TSPEAR: variants seen among roughly 807,000 people sequenced by gnomAD.
The protein encoded by TSPEAR is thrombospondin type laminin G domain and EAR repeats, also known as thrombospondin-type laminin G domain and EAR repeat-containing protein.
In TSPEAR, 69 loss-of-function variants were observed where a neutral mutation model predicts 71.6. The observed-to-expected ratio is 0.96, with a 90% CI of 0.79 to 1.18. The LOEUF (loss-of-function observed/expected upper bound fraction) is 1.18. Among genes scored for constraint, TSPEAR ranks in the 50% most tolerant of loss-of-function variants. TSPEAR has a pLI of 0.00. For missense variants in TSPEAR, 971 were observed against 894.9 expected, an observed-to-expected ratio of 1.09 and a Z score of -1.09; for synonymous variants, 402 against 387.2, an observed-to-expected ratio of 1.04 and a Z score of -0.45.
intron 1 of TSPEAR, among the ~76,000 whole-genome samples, chr21:44,680,073 C>G (rs8132905): frequency 0.21 from 32,446 of 152,068 alleles, 3,498 homozygotes; most frequent in Middle Eastern, 0.27. Context: ...GCACAGCAAA[C>G]GGAACAATCA....
intron 1 of TSPEAR, among the ~76,000 whole-genome samples, chr21:44,624,694 A>G (rs1324219365): frequency 6.6e-6 from 1 of 152,048 alleles, no homozygotes; most frequent in Non-Finnish European, 1.5e-5. Context: ...TTGTTGTTTT[A>G]CCAGAATCCC....
chr21:44,686,891 C>T lies in TSPEAR; in HGVS notation c.82+24542G>A, dbSNP rs116790238. Among the ~76,000 whole-genome samples, 1,205 of 152,298 alleles carry T rather than the reference C, an allele frequency of 7.9e-3. 21 individuals are homozygous for T. The highest frequency in any genetic ancestry group is 0.027 in the African/African-American group (1,134 of 41,546). ...CTGTTTCTCGTTGTCCTTTGCCTTC[C>T]TGACCAAGACAATGTCAGCATGGGG... On this transcript the variant is annotated intron_variant, in intron 1 of 11. Coordinates refer to ENST00000323084, the MANE Select transcript of TSPEAR (RefSeq NM_144991.3).
At position 44,531,048 on chromosome 21, in the gene TSPEAR, A is replaced by G. The variant is rs1046576403; in HGVS notation, c.628T>C (p.Phe210Leu). The stretch of plus-strand genomic sequence containing the variant: ...GGCAGCCCCTCCATACTCGCCATGA[A>G]CAGGCCTTTGGCTCTCCTCCGGCTG... ...VGSRRRAKGLFMGLVRQLVLL... is the reference protein window; with the variant it reads ...VGSRRRAKGLLMGLVRQLVLL... The change falls in exon 4 of 12, where the codon TTC (phenylalanine) becomes CTC (leucine). Residue 210 changes from phenylalanine (F) to leucine (L), a missense_variant. Phe to Leu is a conservative substitution (Grantham distance 22). Transcript: ENST00000323084. The G allele has an allele frequency of 6.2e-7, 1 of 1,613,454 alleles. No individual in the cohort carries two copies. Among genetic ancestry groups the G allele is most frequent in the Non-Finnish European group, 8.5e-7 (1 of 1,179,886 alleles).
chr21:44,672,387 G>A (rs587659011), intron 1 of TSPEAR, among the ~76,000 whole-genome samples: 7 of 152,096 alleles, frequency 4.6e-5, no homozygotes, highest in East Asian at 1.9e-4. Context: ...TGGCTAACAC[G>A]GTGAAACCCC....
intron 1 of TSPEAR, chr21:44,658,004 G>C (rs1555942886): frequency 6.2e-7 from 1 of 1,613,580 alleles, no homozygotes; most frequent in African/African-American, 1.3e-5. Context: ...CTGCTCCCCA[G>C]CCTGCCAGCC....
chr21:44,666,542 A>T, intron 1 of TSPEAR: 1 of 1,613,094 alleles, frequency 6.2e-7, no homozygotes, highest in Non-Finnish European at 8.5e-7. Context: ...ACGGAGCCGC[A>T]TACACGACAG....
At position 44,627,914 on chromosome 21, in the gene TSPEAR, C is replaced by A. The variant is rs1468590919; in HGVS notation, c.83-59909G>T. 4.6e-6 allele frequency: 7 copies of A among 1,519,482 alleles called. No homozygotes were observed. The Admixed American group carries it at 1.2e-4, about 25-fold the overall frequency. The allele number at this position is 1,519,482 out of a possible 1,614,324, so 94.1% of individuals were successfully genotyped here. On this transcript the variant is annotated intron_variant, in intron 1 of 11. Coordinates refer to ENST00000323084, the MANE Select transcript of TSPEAR (RefSeq NM_144991.3). ...AGGCCCGCCTGCTGCGTGCCCGTCT[C>A]CTCCTGCTGTGCCCCCACCTCCTCC...
At chr21:44,511,958 CGGGCTGCTGCAGATGGGGGACCATGGAG>C (rs1222051969) in intron 9 of TSPEAR, among the ~76,000 whole-genome samples, 5 of 152,106 alleles carry the variant, frequency 3.3e-5, no homozygotes, top group African/African-American at 1.2e-4. Flanking sequence ...AGCCCTGGAA[CGGGCTGCTGCAGATGGGGGACCATGGAG>C]GGGCTGCCCG....
chr21:44,547,229 T>A (rs934903377), intron 2 of TSPEAR, among the ~76,000 whole-genome samples: 1 of 152,272 alleles, frequency 6.6e-6, no homozygotes, highest in South Asian at 2.1e-4. Flanking sequence ...CTGTTTGGTT[T>A]CTTTTTAAAG....
chr21:44,635,281 G>C (rs1201273638), intron 1 of TSPEAR, among the ~76,000 whole-genome samples: 1 of 150,248 alleles, frequency 6.7e-6, no homozygotes, highest in Non-Finnish European at 1.5e-5. Flanking sequence ...GGGAGGTGGA[G>C]GTTGCAGTGA....
At chr21:44,516,685 G>A (rs587657661) in intron 9 of TSPEAR, 18 of 152,362 alleles carry the variant, frequency 1.2e-4, no homozygotes, top group African/African-American at 4.1e-4. Context: ...CACCCACCCA[G>A]GCGATTTCTA....
At position 44,505,567 on chromosome 21, in the gene TSPEAR, TCCCCCCCCCCCCCC is replaced by T. The variant is rs1270275295; in HGVS notation, c.1755-700_1755-687del. Among the ~76,000 whole-genome samples the T allele has an allele frequency of 8.2e-4, 7 of 8,506 alleles. 1 individual carries two copies. The highest frequency in any genetic ancestry group is 2.7e-3 in the Admixed American group (2 of 744). 5.6% of individuals were successfully genotyped at this position (8,506 alleles called of 152,430 possible). ...CCAGTAAACATCACCCCCTCCCCCC[TCCCCCCCCCCCCCC>T]CCCCAGCCCCGGCACCCACCACGCC... On this transcript the variant is annotated intron_variant, in intron 10 of 11. Transcript: ENST00000323084.
intron 1 of TSPEAR, among the ~76,000 whole-genome samples, chr21:44,662,458 A>G (rs1985543928): frequency 6.6e-6 from 1 of 152,224 alleles, no homozygotes; most frequent in African/African-American, 2.4e-5. Context: ...ATGTGTAAGC[A>G]CCAAACAGCC....
intron 7 of TSPEAR, among the ~76,000 whole-genome samples, chr21:44,526,490 A>G (rs1259840255): frequency 2.7e-5 from 4 of 149,284 alleles, no homozygotes; most frequent in Non-Finnish European, 4.4e-5. Context: ...TGATGTCATC[A>G]ATCAAAAAAA....
intron 1 of TSPEAR, chr21:44,681,751 G>C: frequency 6.7e-7 from 1 of 1,499,138 alleles, no homozygotes; most frequent in Non-Finnish European, 9.0e-7. Flanking sequence ...ACCATGTGCA[G>C]AAGACCAACT....
rs2146018893 is a variant in TSPEAR, at chr21:44,546,232, T to G, written c.304-12309A>C. On this transcript the variant is annotated intron_variant, in intron 2 of 11. Transcript: ENST00000323084. This position sits in a 1 kb window ranked among gnomAD's most constrained non-coding sequence, Gnocchi z 4.4. ...TACCGACATGGCTACCTTTCCTTCA[T>G]ATGGCTCCAGGTTACTGTCTAGTGC... 6.6e-6 allele frequency among the ~76,000 whole-genome samples: 1 copy of G among 152,334 alleles called. No homozygotes were observed. Among genetic ancestry groups the G allele is most frequent in the Non-Finnish European group, 1.5e-5 (1 of 68,016 alleles).
intron 3 of TSPEAR, among the ~76,000 whole-genome samples, chr21:44,532,427 C>T (rs2052991760): frequency 6.6e-6 from 1 of 152,168 alleles, no homozygotes; most frequent in African/African-American, 2.4e-5. Context: ...TTGTCTTCAG[C>T]CTGCACAGCA....
Position 44,558,409 on chromosome 21 carries a change from C to T in TSPEAR, c.303+9376G>A, listed in dbSNP as rs782118106. 1.9e-6 allele frequency: 3 copies of T among 1,613,456 alleles called. No homozygotes were observed. In the South Asian group the frequency reaches 3.3e-5, roughly 18 times the overall value. On this transcript the variant is annotated intron_variant, in intron 2 of 11. Coordinates refer to ENST00000323084, the MANE Select transcript of TSPEAR (RefSeq NM_144991.3). The stretch of plus-strand genomic sequence containing the variant: ...ACACAGCAGACTGGCTTGCAGCAGA[C>T]AGGCACGCAGCAGGCCTGCTGGCAG...
intron 1 of TSPEAR, among the ~76,000 whole-genome samples, chr21:44,662,918 C>G (rs587674657): frequency 6.6e-6 from 1 of 151,884 alleles, no homozygotes; most frequent in South Asian, 2.1e-4. Flanking sequence ...GAATTAAATA[C>G]AAATTAAAAG....
Sources: allele counts gnomAD v4.1 joint callset (sites outside exome capture counted in the v4.1 genomes callset), GRCh38; gene constraint gnomAD v4.1.1; non-coding constraint Gnocchi (gnomAD v3.1); transcripts MANE v1.5; gene names NCBI Gene and HGNC (gene_info 2026-07-23, HGNC 2026-07-21).